RNF182: variants seen among roughly 807,000 people sequenced by gnomAD.
The protein encoded by RNF182 is ring finger protein 182, also known as E3 ubiquitin-protein ligase RNF182.
A neutral mutation model predicts 14.4 loss-of-function variants in RNF182; 15 were observed. That is an observed-to-expected ratio of 1.04 (90% CI 0.70 to 1.60). The LOEUF is 1.60. Among genes scored for constraint, RNF182 ranks in the 40% most tolerant of loss-of-function variants. The pLI, the probability that RNF182 is intolerant of heterozygous loss-of-function variation, is 0.00. For synonymous variants in RNF182, 128 were observed against 122.9 expected (o/e 1.04, Z -0.27); for missense variants, 268 against 294.8 (o/e 0.91, Z 0.67).
In RNF182 at chr6:13,929,043, G is replaced by A. The variant is rs1758903415; in HGVS notation, c.-367+4020G>A. On this transcript the variant is annotated intron_variant, in intron 1 of 2. Transcript: ENST00000488300. ...GGCTAGTCCTACAAAAGAGTTGCTG[G>A]TGCTGGTCCTGGTCACTTGCCTCCA... 2.0e-5 allele frequency among the ~76,000 whole-genome samples: 3 copies of A among 152,290 alleles called. No individual in the cohort carries two copies. In the South Asian group the frequency reaches 6.2e-4, roughly 32 times the overall value.
chr6:13,978,031 A>C lies in RNF182; in HGVS notation c.*168A>C. 1 of 789,980 alleles carries C rather than the reference A, an allele frequency of 1.3e-6. No homozygotes were observed. Among genetic ancestry groups the C allele is most frequent in the Non-Finnish European group, 2.0e-6 (1 of 505,324 alleles). 48.9% of individuals were successfully genotyped at this position (789,980 alleles called of 1,614,324 possible). A position where few individuals can be genotyped will look rare whatever the true frequency, so the allele number is the denominator to read the frequency against. ...GGTTTTCCTGTAGGCTGGAAGTAAAAATGTTCATTTCTACTTAGGGGTTAG... is the reference window on the plus strand; with the variant it reads ...GGTTTTCCTGTAGGCTGGAAGTAAACATGTTCATTTCTACTTAGGGGTTAG... On this transcript the variant is annotated 3_prime_UTR_variant, in exon 3 of 3. Transcript: ENST00000488300.
chr6:13,949,820 T>TA (rs1759540110), intron 1 of RNF182, among the ~76,000 whole-genome samples: 2 of 152,218 alleles, frequency 1.3e-5, no homozygotes, highest in South Asian at 2.1e-4. Flanking sequence ...TTTTAAAACT[T>TA]AAAAAAAATT....
At position 13,977,705 on chromosome 6, in the gene RNF182, T is replaced by C. The variant is rs766450570; in HGVS notation, c.586T>C (p.Ser196Pro). Residue 196 changes from serine (S) to proline (P), a missense_variant, in exon 3 of 3, where the codon TCC (serine) becomes CCC (proline). Coordinates refer to ENST00000488300, the MANE Select transcript of RNF182 (RefSeq NM_152737.4). ...GTTGCTAGGTTTGCTCTACTTCAGC[T>C]CCTTACCCTTAGGAATCTACTTACT... ...VWLLGLLYFS[S>P]LPLGIYLLVS... The C allele has an allele frequency of 3.1e-6, 5 of 1,614,052 alleles. No homozygotes were observed. The highest frequency in any genetic ancestry group is 4.2e-6 in the Non-Finnish European group (5 of 1,180,026).
intron 1 of RNF182, among the ~76,000 whole-genome samples, chr6:13,935,046 G>A (rs1047102895): frequency 2.6e-5 from 4 of 152,182 alleles, no homozygotes; most frequent in Admixed American, 1.3e-4. Context: ...GCCATTCTAG[G>A]ACTTTGTGTA....
At chr6:13,948,770 T>TA (rs1463036261) in intron 1 of RNF182, among the ~76,000 whole-genome samples, 2 of 152,200 alleles carry the variant, frequency 1.3e-5, no homozygotes, top group African/African-American at 2.4e-5. Flanking sequence ...AATGACAACT[T>TA]AAAGATTTTA....
intron 1 of RNF182, among the ~76,000 whole-genome samples, chr6:13,957,958 A>G (rs1008395495): frequency 4.6e-5 from 7 of 152,142 alleles, no homozygotes; most frequent in Non-Finnish European, 8.8e-5. Flanking sequence ...ATATTTATCA[A>G]TTGGAGATTT....
rs1033891956 is a variant in RNF182 at position 13,980,133 on chromosome 6, G to T, written c.*2270G>T. The T allele has an allele frequency of 6.6e-6, 1 of 152,286 alleles. No individual in the cohort carries two copies. The highest frequency in any genetic ancestry group is 1.9e-4 in the East Asian group (1 of 5,198). 9.4% of individuals were successfully genotyped at this position (152,286 alleles called of 1,614,324 possible). A position where few individuals can be genotyped will look rare whatever the true frequency, so the allele number is the denominator to read the frequency against. ...TTCAGCTAATGCCTTTATCATGCCCGTGAAGACTTCAGAACTTTCCAACAA... is the reference window on the plus strand; with the variant it reads ...TTCAGCTAATGCCTTTATCATGCCCTTGAAGACTTCAGAACTTTCCAACAA... On this transcript the variant is annotated 3_prime_UTR_variant, in exon 3 of 3. Transcript: ENST00000488300.
At chr6:13,936,120 G>A (rs1004634648) in intron 1 of RNF182, among the ~76,000 whole-genome samples, 1 of 152,210 alleles carries the variant, frequency 6.6e-6, no homozygotes, top group Non-Finnish European at 1.5e-5. Flanking sequence ...TCGCGAGATA[G>A]CACTATGGGG....
At chr6:13,963,572 A>G (rs971843136) in intron 1 of RNF182, among the ~76,000 whole-genome samples, 3 of 152,116 alleles carry the variant, frequency 2.0e-5, no homozygotes, top group African/African-American at 7.2e-5. Context: ...ATGGTCTCTA[A>G]TGGTCTCACA....
chr6:13,925,963 G>A (rs959639708), intron 1 of RNF182, among the ~76,000 whole-genome samples: 1 of 152,046 alleles, frequency 6.6e-6, no homozygotes, highest in African/African-American at 2.4e-5. Context: ...TTGTGACTGT[G>A]AAGACTTTTT....
At chr6:13,971,188 A>G (rs950981495) in intron 1 of RNF182, among the ~76,000 whole-genome samples, 2 of 152,080 alleles carry the variant, frequency 1.3e-5, no homozygotes, top group Non-Finnish European at 2.9e-5. Context: ...TCCCACATCA[A>G]GGGTGGAGCC....
At chr6:13,960,690 T>TGCGCAC (rs200589489) in intron 1 of RNF182, among the ~76,000 whole-genome samples, 1 of 120,408 alleles carries the variant, frequency 8.3e-6, no homozygotes, top group African/African-American at 2.8e-5. Context: ...TGTGTGTGTG[T>TGCGCAC]GTGCGCGCGT....
chr6:13,936,557 A>C (rs967708317), intron 1 of RNF182, among the ~76,000 whole-genome samples: 1 of 152,218 alleles, frequency 6.6e-6, no homozygotes, highest in African/African-American at 2.4e-5. Context: ...GTAGAGTGGG[A>C]AATTTCTTAA....
chr6:13,953,034 T>A (rs1482083165), intron 1 of RNF182, among the ~76,000 whole-genome samples: 1 of 152,252 alleles, frequency 6.6e-6, no homozygotes, highest in African/African-American at 2.4e-5. Context: ...AAACTTAAAC[T>A]AAGAATGCTT....
intron 1 of RNF182, among the ~76,000 whole-genome samples, chr6:13,971,192 T>G (rs565739781): frequency 3.3e-5 from 5 of 152,036 alleles, no homozygotes; most frequent in African/African-American, 4.8e-5. Flanking sequence ...ACATCAAGGG[T>G]GGAGCCAGGT....
intron 1 of RNF182, among the ~76,000 whole-genome samples, chr6:13,940,861 C>A (rs1383719316): frequency 6.6e-6 from 1 of 151,980 alleles, no homozygotes; most frequent in South Asian, 2.1e-4. Context: ...TACTTAATTT[C>A]CAACGGTTTA....
At chr6:13,953,219 C>T (rs1390430372) in intron 1 of RNF182, among the ~76,000 whole-genome samples, 2 of 152,208 alleles carry the variant, frequency 1.3e-5, no homozygotes, top group Admixed American at 6.5e-5. Context: ...CCTCATTTTA[C>T]TCAGCCCCTA....
At chr6:13,929,096 ACT>A (rs1424823572) in intron 1 of RNF182, among the ~76,000 whole-genome samples, 2 of 152,238 alleles carry the variant, frequency 1.3e-5, no homozygotes, top group Non-Finnish European at 2.9e-5. Flanking sequence ...CTAAAACGTG[ACT>A]CTCTTGAATT....
At chr6:13,955,151 G>A (rs1759695414) in intron 1 of RNF182, among the ~76,000 whole-genome samples, 2 of 152,206 alleles carry the variant, frequency 1.3e-5, no homozygotes, top group Admixed American at 6.5e-5. Context: ...TATGGTCTCT[G>A]TCATTGTAGT....
Sources: allele counts gnomAD v4.1 joint callset (sites outside exome capture counted in the v4.1 genomes callset), GRCh38; gene constraint gnomAD v4.1.1; transcripts MANE v1.5; gene names NCBI Gene and HGNC (gene_info 2026-07-23, HGNC 2026-07-21).